PYURF: variants seen among roughly 807,000 people sequenced by gnomAD.
The protein encoded by PYURF is protein preY, mitochondrial.
In PYURF, 9 loss-of-function variants were observed where a neutral mutation model predicts 8.0. The ratio of observed to expected loss-of-function variants is 1.13; its 90% CI spans 0.68 to 1.97. The LOEUF is 1.97. Among genes scored for constraint, PYURF ranks in the 30% most tolerant of loss-of-function variants. PYURF has a pLI of 0.00. For missense variants in PYURF, 130 were observed against 158.0 expected (o/e 0.82, Z 0.95); for synonymous variants, 56 against 68.3 (o/e 0.82, Z 0.89).
intron 1 of PYURF, among the ~76,000 whole-genome samples, chr4:88,522,543 C>T (rs907984905): frequency 1.3e-5 from 2 of 152,070 alleles, no homozygotes; most frequent in Non-Finnish European, 2.9e-5. Flanking sequence ...TAGTTATAAA[C>T]GTAAATCAAA....
Position 88,523,776 on chromosome 4 carries a change from G to A in PYURF, c.-76C>T. On this transcript the variant is annotated 5_prime_UTR_variant, in exon 1 of 2. Coordinates refer to ENST00000273968, the MANE Select transcript of PYURF (RefSeq NM_032906.5). ...GAGCTCCCGGCTTCCCGTTCGTCCA[G>A]GCCAGCCGGGCAGGCCCCGCCCCCT... The A allele has an allele frequency of 7.5e-7, 1 of 1,338,532 alleles. No homozygotes were observed. The highest frequency in any genetic ancestry group is 9.7e-7 in the Non-Finnish European group (1 of 1,031,430). The allele number at this position is 1,338,532 out of a possible 1,614,324, so 82.9% of individuals were successfully genotyped here.
rs1742468467 is a variant in PYURF at position 88,523,625 on chromosome 4, T to C, written c.76A>G (p.Arg26Gly). 2 of 1,545,116 alleles carry C rather than the reference T, an allele frequency of 1.3e-6. No individual in the cohort carries two copies. The highest frequency in any genetic ancestry group is 8.7e-7 in the Non-Finnish European group (1 of 1,145,326). The change falls in exon 1 of 2, where the codon AGG (arginine) becomes GGG (glycine). Residue 26 changes from arginine to glycine, a missense_variant. Coordinates refer to ENST00000273968, the MANE Select transcript of PYURF (RefSeq NM_032906.5). Reference protein sequence around the residue: ...TRAPPSAVARRCLHASGSRPL... With the variant: ...TRAPPSAVARGCLHASGSRPL... ...CGCGACCCCGACGCGTGCAGGCACC[T>C]ACGGGCGACCGCGGACGGCGGCGCG...
At chr4:88,523,435 G>T in intron 1 of PYURF, 63 bp downstream of exon 1, 1 of 1,521,720 alleles carries the variant, frequency 6.6e-7, no homozygotes, top group Non-Finnish European at 8.9e-7. Context: ...AGAGGCCGCG[G>T]TCCACCGCTC....
chr4:88,523,390 G>GTACC (rs1292438551), intron 1 of PYURF, 108 bp downstream of exon 1: 2 of 1,154,614 alleles, frequency 1.7e-6, no homozygotes, highest in Non-Finnish European at 2.5e-6. Flanking sequence ...GCAGCGGAGA[G>GTACC]TACCTGACCG....
chr4:88,521,557 T>C lies in PYURF; in HGVS notation c.*331A>G, dbSNP rs1200695087. 1.3e-6 allele frequency: 2 copies of C among 1,564,682 alleles called. No individual in the cohort carries two copies. Among genetic ancestry groups the C allele is most frequent in the African/African-American group, 1.4e-5 (1 of 73,874 alleles). On this transcript the variant is annotated 3_prime_UTR_variant, in exon 2 of 2. Coordinates refer to ENST00000273968, the MANE Select transcript of PYURF (RefSeq NM_032906.5). ...AGAGCTATCATTAATATATACAGCA[T>C]ATTGACTCTAGTTGCATCAATTATG...
intron 1 of PYURF, 100 bp from the exon 2 acceptor site, chr4:88,522,129 C>A (rs746998187): frequency 9.1e-7 from 1 of 1,098,586 alleles, no homozygotes; most frequent in Non-Finnish European, 1.3e-6. Flanking sequence ...ATTTTTGGTA[C>A]GGAGTTAATC....
rs758334351 is a variant in PYURF, at chr4:88,523,659, C to T, written c.42G>A (p.Arg14=). The change falls in exon 1 of 2, where the codon CGG becomes CGA. Residue 14 remains arginine, a synonymous_variant. Coordinates refer to ENST00000273968, the MANE Select transcript of PYURF (RefSeq NM_032906.5). Reference sequence around the variant, plus strand: ...CCGCGGACGGCGGCGCGCGCGTTCCCCGCAGCGCTGAGGCGAGCCTGCAGC... The same window carrying T: ...CCGCGGACGGCGGCGCGCGCGTTCCTCGCAGCGCTGAGGCGAGCCTGCAGC... ...GARCRLASAL[R]GTRAPPSAVA... is the part of the protein sequence containing the mutation. 13 of 1,534,788 alleles carry T rather than the reference C, an allele frequency of 8.5e-6. No individual in the cohort carries two copies. The highest frequency in any genetic ancestry group is 6.0e-5 in the South Asian group (5 of 82,806).
Position 88,521,520 on chromosome 4 carries a change from G to C in PYURF, c.*368C>G. On this transcript the variant is annotated 3_prime_UTR_variant, in exon 2 of 2. Coordinates refer to ENST00000273968, the MANE Select transcript of PYURF (RefSeq NM_032906.5). ...AATTCCATCCATTTGAGCTTTCAGA[G>C]ATCGATGCCCAAGAGCTATCATTAA... 6.8e-7 allele frequency: 1 copy of C among 1,463,840 alleles called. No individual in the cohort carries two copies. Among genetic ancestry groups the C allele is most frequent in the East Asian group, 2.3e-5 (1 of 43,476 alleles). 90.7% of individuals were successfully genotyped at this position (1,463,840 alleles called of 1,614,324 possible).
chr4:88,522,108 C>T (rs1465284283), intron 1 of PYURF, 79 bp from the exon 2 acceptor site: 2 of 1,317,714 alleles, frequency 1.5e-6, no homozygotes, highest in Non-Finnish European at 2.0e-6. Flanking sequence ...ACAAATACCA[C>T]CATTTATCCA....
chr4:88,521,491 A>G lies in PYURF; in HGVS notation c.*397T>C, dbSNP rs1742367409. 3.1e-6 allele frequency: 4 copies of G among 1,291,552 alleles called. No homozygotes were observed. The Admixed American group carries it at 8.6e-5, about 28-fold the overall frequency. 80.0% of individuals were successfully genotyped at this position (1,291,552 alleles called of 1,614,324 possible). On this transcript the variant is annotated 3_prime_UTR_variant, in exon 2 of 2. Coordinates refer to ENST00000273968, the MANE Select transcript of PYURF (RefSeq NM_032906.5). Reference sequence around the variant, plus strand: ...GCAAAGCAAAGCCTCTTTCCCGCAAACTAAATTCCATCCATTTGAGCTTTC... The same window carrying G: ...GCAAAGCAAAGCCTCTTTCCCGCAAGCTAAATTCCATCCATTTGAGCTTTC...
chr4:88,523,459 C>A (rs564387604), intron 1 of PYURF, 39 bp downstream of exon 1: 8 of 1,548,142 alleles, frequency 5.2e-6, no homozygotes, highest in Non-Finnish European at 7.0e-6. Flanking sequence ...TTCCGCCCAC[C>A]GGGAGGCTGC....
chr4:88,521,962 T>C lies in PYURF; in HGVS notation c.271A>G (p.Ile91Val), dbSNP rs1168696130. The change falls in exon 2 of 2, where the codon ATC becomes GTC. Residue 91 changes from isoleucine to valine, a missense_variant. Transcript: ENST00000273968. ...LGIAYPIIDG[I>V]PNMIPQAARM... ...GCTGCCTGTGGTATCATATTAGGGATCCCATCAATGATTGGATAAGCTATT... is the reference window on the plus strand; with the variant it reads ...GCTGCCTGTGGTATCATATTAGGGACCCCATCAATGATTGGATAAGCTATT... The C allele has an allele frequency of 6.4e-7, 1 of 1,551,548 alleles. No individual in the cohort carries two copies. The highest frequency in any genetic ancestry group is 2.0e-5 in the Admixed American group (1 of 50,986).
rs1560623665 is a variant in PYURF at position 88,521,716 on chromosome 4, G to C, written c.*172C>G. 6.2e-7 allele frequency: 1 copy of C among 1,613,964 alleles called. No individual in the cohort carries two copies. On this transcript the variant is annotated 3_prime_UTR_variant, in exon 2 of 2. Transcript: ENST00000273968. ...GCCCTGTGGGAAGTTTTCTTCCACA[G>C]AGGCTGAGTAGAACAGTCCTGCTAA... is the stretch of plus-strand genomic sequence containing the variant.
Position 88,522,033 on chromosome 4 carries a change from A to T in PYURF, c.204-4T>A, listed in dbSNP as rs1317134968. 6.6e-7 allele frequency: 1 copy of T among 1,526,514 alleles called. No homozygotes were observed. Among genetic ancestry groups the T allele is most frequent in the African/African-American group, 1.4e-5 (1 of 71,560 alleles). 94.6% of individuals were successfully genotyped at this position (1,526,514 alleles called of 1,614,324 possible). A position where few individuals can be genotyped will look rare whatever the true frequency, so the allele number is the denominator to read the frequency against. On this transcript the variant is annotated splice_region_variant and splice_polypyrimidine_tract_variant and intron_variant, in intron 1 of 1. Transcript: ENST00000273968. ...TTCGTTTGTTGATGCTTCATATCTGAGGTGGAAAAAAAAAGAACAAAATGA... is the reference window on the plus strand; with the variant it reads ...TTCGTTTGTTGATGCTTCATATCTGTGGTGGAAAAAAAAAGAACAAAATGA...
intron 1 of PYURF, 139 bp from the exon 2 acceptor site, chr4:88,522,168 C>G (rs1742394578): frequency 5.9e-6 from 4 of 681,604 alleles, no homozygotes; most frequent in African/African-American, 1.8e-5. Context: ...ATTCTAAAAG[C>G]AACAATAGCC....
At chr4:88,522,331 A>G (rs1742400836) in intron 1 of PYURF, among the ~76,000 whole-genome samples, 1 of 152,134 alleles carries the variant, frequency 6.6e-6, no homozygotes, top group South Asian at 2.1e-4. Flanking sequence ...TCTTATCCAA[A>G]TATTCCTTCA....
rs751995139 is a variant in PYURF at position 88,521,501 on chromosome 4, A to G, written c.*387T>C. 129 of 1,354,062 alleles carry G rather than the reference A, an allele frequency of 9.5e-5. No individual in the cohort carries two copies. Among genetic ancestry groups the G allele is most frequent in the Non-Finnish European group, 1.3e-4 (125 of 971,926 alleles). The allele number at this position is 1,354,062 out of a possible 1,614,324, so 83.9% of individuals were successfully genotyped here. A position where few individuals can be genotyped will look rare whatever the true frequency, so the allele number is the denominator to read the frequency against. On this transcript the variant is annotated 3_prime_UTR_variant, in exon 2 of 2. Transcript: ENST00000273968. Reference sequence around the variant, plus strand: ...GCCTCTTTCCCGCAAACTAAATTCCATCCATTTGAGCTTTCAGAGATCGAT... The same window carrying G: ...GCCTCTTTCCCGCAAACTAAATTCCGTCCATTTGAGCTTTCAGAGATCGAT...
Position 88,521,667 on chromosome 4 carries a change from G to C in PYURF, c.*221C>G. 1 of 1,613,964 alleles carries C rather than the reference G, an allele frequency of 6.2e-7. No individual in the cohort carries two copies. The highest frequency in any genetic ancestry group is 1.7e-5 in the Admixed American group (1 of 60,028). ...TAATAGGCAAGAGCAGGCTGTAAAA[G>C]CAAAGGCTGGCTGTGCTAGTGCAGC... On this transcript the variant is annotated 3_prime_UTR_variant, in exon 2 of 2. Transcript: ENST00000273968.
In PYURF at chr4:88,523,745, G is replaced by T; in HGVS notation, c.-45C>A. 1 of 1,393,364 alleles carries T rather than the reference G, an allele frequency of 7.2e-7. No individual in the cohort carries two copies. Among genetic ancestry groups the T allele is most frequent in the Non-Finnish European group, 9.3e-7 (1 of 1,079,032 alleles). The allele number at this position is 1,393,364 out of a possible 1,614,324, so 86.3% of individuals were successfully genotyped here. A position where few individuals can be genotyped will look rare whatever the true frequency, so the allele number is the denominator to read the frequency against. ...AGGCCTCACCGCAGCCTCGCCACCC[G>T]TGGCCGAGCTCCCGGCTTCCCGTTC... On this transcript the variant is annotated 5_prime_UTR_variant, in exon 1 of 2. Coordinates refer to ENST00000273968, the MANE Select transcript of PYURF (RefSeq NM_032906.5).
Sources: allele counts gnomAD v4.1 joint callset (sites outside exome capture counted in the v4.1 genomes callset), GRCh38; gene constraint gnomAD v4.1.1; transcripts MANE v1.5; gene names NCBI Gene and HGNC (gene_info 2026-07-23, HGNC 2026-07-21).